The following AGBL4 variants were observed in gnomAD, a reference collection of about 807,000 sequenced individuals.
The protein encoded by AGBL4 is AGBL carboxypeptidase 4.
In AGBL4, 58 loss-of-function variants were observed where a neutral mutation model predicts 66.4. That is an observed-to-expected ratio of 0.87 (90% confidence interval 0.71 to 1.09). The LOEUF (loss-of-function observed/expected upper bound fraction) is 1.09. Ranked by LOEUF, AGBL4 falls within the 50% of genes least tolerant of loss-of-function variation. AGBL4 has a pLI of 0.00. For synonymous variants in AGBL4, 234 were observed against 222.9 expected, an observed-to-expected ratio of 1.05 and a Z score of -0.44; for missense variants, 579 against 631.0, an observed-to-expected ratio of 0.92 and a Z score of 0.88.
At chr1:48,650,867 A>G (rs1351362162) in intron 8 of AGBL4, among the ~76,000 whole-genome samples, 1 of 152,200 alleles carries the variant, frequency 6.6e-6, no homozygotes, top group Non-Finnish European at 1.5e-5. Flanking sequence ...AGTCGTATGA[A>G]TAAAAGAACA....
chr1:49,494,674 C>T (rs911382879), intron 3 of AGBL4, among the ~76,000 whole-genome samples: 2 of 152,034 alleles, frequency 1.3e-5, no homozygotes, highest in Non-Finnish European at 1.5e-5. Context: ...CAGTCTAATA[C>T]TGTTAGACAT....
intron 2 of AGBL4, among the ~76,000 whole-genome samples, chr1:49,731,247 C>T (rs888499015): frequency 3.3e-5 from 5 of 152,254 alleles, no homozygotes; most frequent in South Asian, 2.1e-4. Context: ...CTCCATCAAC[C>T]CCAGTATGGC....
At chr1:49,064,355 A>G (rs1264846095) in intron 4 of AGBL4, among the ~76,000 whole-genome samples, 1 of 152,216 alleles carries the variant, frequency 6.6e-6, no homozygotes. Flanking sequence ...GCCAAAGCAC[A>G]TGCACTATCT....
At chr1:49,258,095 C>A (rs1170961747) in intron 3 of AGBL4, among the ~76,000 whole-genome samples, 1 of 152,202 alleles carries the variant, frequency 6.6e-6, no homozygotes, top group African/African-American at 2.4e-5. Context: ...AGCTGAGGAT[C>A]CTGTCTGTTG....
intron 4 of AGBL4, among the ~76,000 whole-genome samples, chr1:49,124,493 A>G (rs1245775852): frequency 6.6e-6 from 1 of 152,206 alleles, no homozygotes; most frequent in Non-Finnish European, 1.5e-5. Context: ...TGACCGTAGC[A>G]CTGCTTTACA....
intron 4 of AGBL4, among the ~76,000 whole-genome samples, chr1:49,050,993 G>A (rs1449608804): frequency 6.6e-6 from 1 of 152,094 alleles, no homozygotes; most frequent in Non-Finnish European, 1.5e-5. Context: ...AGAACATAAG[G>A]AAGAAGAGAA....
At chr1:48,697,984 C>A (rs1427638566) in intron 6 of AGBL4, among the ~76,000 whole-genome samples, 1 of 152,212 alleles carries the variant, frequency 6.6e-6, no homozygotes, top group Non-Finnish European at 1.5e-5. Flanking sequence ...CAGACCAAAC[C>A]CCAAGGCCAG....
At chr1:49,898,354 A>G (rs1649425830) in intron 1 of AGBL4, among the ~76,000 whole-genome samples, 1 of 152,148 alleles carries the variant, frequency 6.6e-6, no homozygotes, top group South Asian at 2.1e-4. Context: ...ACAAGTAGGC[A>G]TAAGAAAAGG....
intron 6 of AGBL4, among the ~76,000 whole-genome samples, chr1:48,799,723 C>A (rs1457368672): frequency 6.6e-6 from 1 of 152,096 alleles, no homozygotes; most frequent in Non-Finnish European, 1.5e-5. Context: ...TGGATTTTTT[C>A]AAATGCTTTT....
chr1:49,666,765 G>C (rs919714816), intron 3 of AGBL4, among the ~76,000 whole-genome samples: 3 of 151,864 alleles, frequency 2.0e-5, no homozygotes, highest in African/African-American at 7.3e-5. Context: ...ATACTCACAA[G>C]AACTCTATTA....
intron 4 of AGBL4, among the ~76,000 whole-genome samples, chr1:49,141,566 T>C (rs1206607666): frequency 6.6e-6 from 1 of 151,900 alleles, no homozygotes; most frequent in African/African-American, 2.4e-5. Context: ...ACATAAGACA[T>C]AAGGATAGAA....
chr1:49,890,023 A>G (rs1179104078), intron 1 of AGBL4, among the ~76,000 whole-genome samples: 1 of 152,202 alleles, frequency 6.6e-6, no homozygotes, highest in Non-Finnish European at 1.5e-5. Flanking sequence ...AAATGAATCA[A>G]TCGGGATTCA....
intron 2 of AGBL4, among the ~76,000 whole-genome samples, chr1:49,807,375 T>C (rs927987474): frequency 2.6e-5 from 4 of 152,098 alleles, no homozygotes; most frequent in Non-Finnish European, 5.9e-5. Flanking sequence ...AATAAGATGA[T>C]TCTATATCCT....
chr1:49,078,930 C>T (rs868753823), intron 4 of AGBL4, among the ~76,000 whole-genome samples: 1 of 152,160 alleles, frequency 6.6e-6, no homozygotes, highest in African/African-American at 2.4e-5. Flanking sequence ...AATCCAAAGT[C>T]CTTACTGCAG....
chr1:49,843,878 T>C (rs1457027988), intron 2 of AGBL4, among the ~76,000 whole-genome samples: 2 of 152,250 alleles, frequency 1.3e-5, no homozygotes, highest in East Asian at 3.9e-4. Context: ...ACCCAGGTCA[T>C]GGCTGTGCAG....
At chr1:48,603,247 G>A (rs960397081) in intron 9 of AGBL4, among the ~76,000 whole-genome samples, 4 of 152,180 alleles carry the variant, frequency 2.6e-5, no homozygotes, top group African/African-American at 9.7e-5. Context: ...TGAGGCAGGT[G>A]GATCATGAGG....
intron 3 of AGBL4, among the ~76,000 whole-genome samples, chr1:49,432,573 G>T (rs561597982): frequency 6.6e-6 from 1 of 152,044 alleles, no homozygotes; most frequent in South Asian, 2.1e-4. Flanking sequence ...TTATAAAATA[G>T]AATCATATTA....
chr1:48,671,802 T>A (rs1646281436), intron 6 of AGBL4, among the ~76,000 whole-genome samples: 1 of 152,218 alleles, frequency 6.6e-6, no homozygotes, highest in Non-Finnish European at 1.5e-5. Flanking sequence ...CTGGCACACA[T>A]GATGTTCTCA....
chr1:49,921,860 G>A (rs561730204), intron 1 of AGBL4, among the ~76,000 whole-genome samples: 7 of 152,156 alleles, frequency 4.6e-5, no homozygotes, highest in South Asian at 2.1e-4. Flanking sequence ...CCACAGTGAG[G>A]GTGGGTCCTC....
Sources: gnomAD v4.1 joint callset for allele counts (sites outside exome capture counted in the v4.1 genomes callset) on GRCh38, gnomAD v4.1.1 for gene constraint, MANE v1.5 for transcripts, NCBI Gene and HGNC (gene_info 2026-07-23, HGNC 2026-07-21) for gene names.